The following PRPF18 variants were observed in gnomAD, a reference collection of about 807,000 sequenced individuals.
PRPF18 encodes pre-mRNA-splicing factor 18.
In PRPF18, 38 loss-of-function variants were observed where a neutral mutation model predicts 46.5. The observed-to-expected ratio is 0.82, with a 90% confidence interval of 0.63 to 1.07. The LOEUF (loss-of-function observed/expected upper bound fraction) is 1.07. Among genes scored for constraint, PRPF18 ranks in the 50% least tolerant of loss-of-function variants. The pLI is 0.00. For missense variants in PRPF18, 263 were observed against 410.0 expected, an observed-to-expected ratio of 0.64 and a Z score of 3.10; for synonymous variants, 152 against 146.7, an observed-to-expected ratio of 1.04 and a Z score of -0.26.
At chr10:13,636,182 G>A in the PRPF18 span, among the ~76,000 whole-genome samples, 2 of 152,344 alleles carry the variant, frequency 1.3e-5, no homozygotes, top group South Asian at 2.1e-4. Context: ...AGCACTCTGC[G>A]AAGCCAAGGC....
intron 1 of PRPF18, among the ~76,000 whole-genome samples, chr10:13,589,641 C>G (rs1488437204): frequency 1.3e-5 from 2 of 152,288 alleles, no homozygotes; most frequent in Middle Eastern, 3.4e-3. Context: ...GTAGAAAACA[C>G]TTTTGACCTC....
At chr10:13,610,005 T>C (rs766678513) in intron 4 of PRPF18, 34 bp from the exon 5 acceptor site, 73 of 1,552,542 alleles carry the variant, frequency 4.7e-5, no homozygotes, top group Non-Finnish European at 5.9e-5. Context: ...CTTCCTTTCA[T>C]AACAGGTGTT....
At chr10:13,616,816 G>C (rs34650146) in intron 9 of PRPF18, among the ~76,000 whole-genome samples, 3,092 of 149,874 alleles carry the variant, frequency 0.021, 40 homozygotes, top group Middle Eastern at 0.031. Context: ...ATTGCAGTTT[G>C]CTTTTTTTTT....
intron 2 of PRPF18, among the ~76,000 whole-genome samples, chr10:13,597,918 A>G (rs2080058371): frequency 6.6e-6 from 1 of 152,032 alleles, no homozygotes; most frequent in African/African-American, 2.4e-5. Context: ...CAAAACATTT[A>G]TTCATCCAGC....
intron 9 of PRPF18, among the ~76,000 whole-genome samples, chr10:13,617,336 T>G (rs542042622): frequency 1.3e-5 from 2 of 152,352 alleles, no homozygotes; most frequent in African/African-American, 2.4e-5. Flanking sequence ...TGAAATATCT[T>G]TTTGTTTTTA....
At chr10:13,595,326 C>CA (rs1456104906) in intron 1 of PRPF18, among the ~76,000 whole-genome samples, 2 of 152,218 alleles carry the variant, frequency 1.3e-5, no homozygotes, top group African/African-American at 4.8e-5. Context: ...GGAATTGAGA[C>CA]ATGGTCATCA....
chr10:13,640,326 A>T, the PRPF18 span: 1 of 152,174 alleles, frequency 6.6e-6, no homozygotes, highest in Admixed American at 6.5e-5. Flanking sequence ...CTCTCTTAGA[A>T]TAATTGCTAT....
At chr10:13,611,985 TTC>T (rs2080276113) in intron 6 of PRPF18, among the ~76,000 whole-genome samples, 1 of 151,896 alleles carries the variant, frequency 6.6e-6, no homozygotes, top group South Asian at 2.1e-4. Context: ...GTTCAAGTGA[TTC>T]TCCTGCCTCA....
rs182262383 is a variant in PRPF18, at chr10:13,616,692, A to G, written c.948+139A>G. 66 of 1,076,218 alleles carry G rather than the reference A, an allele frequency of 6.1e-5. No homozygotes were observed. In the East Asian group the frequency reaches 1.7e-3, roughly 28 times the overall value. 66.7% of individuals were successfully genotyped at this position (1,076,218 alleles called of 1,614,324 possible). Reference sequence around the variant, plus strand: ...GGATGGAAGTCCCCTCTGGATAAGCACTGACACTGAAGCCACCTTCACTGA... The same window carrying G: ...GGATGGAAGTCCCCTCTGGATAAGCGCTGACACTGAAGCCACCTTCACTGA... On this transcript the variant is annotated intron_variant, in intron 9 of 9. Transcript: ENST00000378572.
At chr10:13,643,189 G>A in the PRPF18 span, 2 of 152,322 alleles carry the variant, frequency 1.3e-5, no homozygotes, top group African/African-American at 2.4e-5. Flanking sequence ...GAGGATTAAC[G>A]GTAGTCACAG....
intron 1 of PRPF18, among the ~76,000 whole-genome samples, chr10:13,590,379 G>A (rs2133076694): frequency 6.7e-6 from 1 of 150,228 alleles, no homozygotes; most frequent in East Asian, 2.0e-4. Context: ...CCTGGGGTGG[G>A]CAGATCACGA....
intron 1 of PRPF18, among the ~76,000 whole-genome samples, chr10:13,594,263 T>C (rs1367540734): frequency 6.6e-6 from 1 of 152,272 alleles, no homozygotes; most frequent in Non-Finnish European, 1.5e-5. Flanking sequence ...GACATTGTTT[T>C]AGAAACCTCT....
At position 13,587,173 on chromosome 10, in the gene PRPF18, G is replaced by A. The variant is rs780977840; in HGVS notation, c.66+21G>A. 7 of 1,605,758 alleles carry A rather than the reference G, an allele frequency of 4.4e-6. No homozygotes were observed. In the Admixed American group the frequency reaches 8.3e-5, roughly 19 times the overall value. ...TGGTGGTGAGGACCCTGCGGTCGTGGGGGTCGGGATGTAAGAGTGAGAGTA... is the reference window on the plus strand; with the variant it reads ...TGGTGGTGAGGACCCTGCGGTCGTGAGGGTCGGGATGTAAGAGTGAGAGTA... On this transcript the variant is annotated intron_variant, in intron 1 of 9. Transcript: ENST00000378572.
At chr10:13,652,363 C>G in the PRPF18 span, 2 of 218,236 alleles carry the variant, frequency 9.2e-6, no homozygotes, top group African/African-American at 4.6e-5. Context: ...CATTTCGGAG[C>G]CTGTTGACAG....
intron 3 of PRPF18, among the ~76,000 whole-genome samples, chr10:13,601,590 A>G (rs2080111142): frequency 6.6e-6 from 1 of 152,122 alleles, no homozygotes; most frequent in African/African-American, 2.4e-5. Context: ...CACAAATGAG[A>G]TGACATGCAT....
intron 2 of PRPF18, among the ~76,000 whole-genome samples, chr10:13,599,197 G>A (rs1318526602): frequency 6.6e-6 from 1 of 152,022 alleles, no homozygotes; most frequent in Non-Finnish European, 1.5e-5. Flanking sequence ...TTCTTTTGTA[G>A]AAATGAGTTA....
At chr10:13,648,469 C>T in the PRPF18 span, among the ~76,000 whole-genome samples, 2 of 152,248 alleles carry the variant, frequency 1.3e-5, no homozygotes, top group African/African-American at 2.4e-5. Flanking sequence ...GTGCTCTCCA[C>T]CATGGCGCCA....
chr10:13,621,372 T>TGA (rs1218906129), intron 9 of PRPF18, among the ~76,000 whole-genome samples: 1 of 152,120 alleles, frequency 6.6e-6, no homozygotes, highest in Admixed American at 6.5e-5. Context: ...TTTAGGGTAT[T>TGA]GATTTTCCCA....
In PRPF18 at chr10:13,587,018, C is replaced by T. The variant is rs2079881998; in HGVS notation, c.-69C>T. 12 of 1,532,576 alleles carry T rather than the reference C, an allele frequency of 7.8e-6. No homozygotes were observed. The South Asian group carries it at 1.0e-4, about 13-fold the overall frequency. 94.9% of individuals were successfully genotyped at this position (1,532,576 alleles called of 1,614,324 possible). A position where few individuals can be genotyped will look rare whatever the true frequency, so the allele number is the denominator to read the frequency against. ...TTCCGTATACTCAGTGGGTTCGCGG[C>T]CGCCGGCCCAGTGAGGCTGGGTTCG... On this transcript the variant is annotated 5_prime_UTR_variant, in exon 1 of 10. Coordinates refer to ENST00000378572, the MANE Select transcript of PRPF18 (RefSeq NM_003675.4).
Sources: allele counts gnomAD v4.1 joint callset (sites outside exome capture counted in the v4.1 genomes callset), GRCh38; gene constraint gnomAD v4.1.1; transcripts MANE v1.5; gene names NCBI Gene and HGNC (gene_info 2026-07-23, HGNC 2026-07-21).